The following PDE8A variants were observed in gnomAD, a reference collection of about 807,000 sequenced individuals.
The protein encoded by PDE8A is phosphodiesterase 8A.
PDE8A carries 59 observed loss-of-function variants against 105.0 expected under a neutral mutation model. The ratio of observed to expected loss-of-function variants is 0.56; its 90% confidence interval spans 0.46 to 0.70. The LOEUF (loss-of-function observed/expected upper bound fraction) is 0.70. Ranked by LOEUF, PDE8A falls within the 30% of genes least tolerant of loss-of-function variation. PDE8A has a pLI of 0.00. For missense variants in PDE8A, 1,014 were observed against 1,045.9 expected (o/e 0.97, Z 0.42); for synonymous variants, 355 against 371.9 (o/e 0.95, Z 0.52).
In PDE8A at chr15:84,991,268, T is replaced by C. The variant is rs190418464; in HGVS notation, c.186+8920T>C. Reference sequence around the variant, plus strand: ...GCATAGTACCAATAAAGGATTAGTATTCAGAGAGGTCCTAAAAGTCAATAA... The same window carrying C: ...GCATAGTACCAATAAAGGATTAGTACTCAGAGAGGTCCTAAAAGTCAATAA... On this transcript the variant is annotated intron_variant, in intron 1 of 21. Coordinates refer to ENST00000394553, the MANE Select transcript of PDE8A (RefSeq NM_002605.3). 6.6e-5 allele frequency among the ~76,000 whole-genome samples: 10 copies of C among 152,278 alleles called. 1 individual carries two copies. The East Asian group carries it at 1.9e-3, about 29-fold the overall frequency.
At position 84,999,121 on chromosome 15, in the gene PDE8A, CT is replaced by C. The variant is rs35710429; in HGVS notation, c.186+16790del. Among the ~76,000 whole-genome samples, 109 of 131,472 alleles carry C rather than the reference CT, an allele frequency of 8.3e-4. 1 individual carries two copies. Among genetic ancestry groups the C allele is most frequent in the Admixed American group, 1.1e-3 (14 of 12,568 alleles). The allele number at this position is 131,472 out of a possible 152,430, so 86.3% of individuals were successfully genotyped here. A position where few individuals can be genotyped will look rare whatever the true frequency, so the allele number is the denominator to read the frequency against. On this transcript the variant is annotated intron_variant, in intron 1 of 21. Transcript: ENST00000394553. ...GTAAATTTTCCTGATAGGTCACATT[CT>C]TTTTTTTTTTTTTTTTGAGACGGAA... is the stretch of plus-strand genomic sequence containing the variant.
chr15:85,095,771 T>C (rs1408418473), intron 8 of PDE8A, among the ~76,000 whole-genome samples: 1 of 152,038 alleles, frequency 6.6e-6, no homozygotes, highest in Non-Finnish European at 1.5e-5. Flanking sequence ...TTAGATGGAC[T>C]GTGGAACTTT....
intron 1 of PDE8A, among the ~76,000 whole-genome samples, chr15:85,052,748 A>G (rs1344582417): frequency 9.9e-5 from 15 of 152,080 alleles, no homozygotes; most frequent in African/African-American, 3.6e-4. Context: ...GGTAGATTGT[A>G]AAAATTTTCT....
intron 2 of PDE8A, among the ~76,000 whole-genome samples, chr15:85,066,661 A>C (rs931993622): frequency 1.3e-5 from 2 of 149,432 alleles, no homozygotes; most frequent in Non-Finnish European, 3.0e-5. Context: ...GATTCTGACC[A>C]GGCGCGGTGG....
At chr15:85,006,782 G>C (rs781401452) in intron 1 of PDE8A, among the ~76,000 whole-genome samples, 2 of 152,018 alleles carry the variant, frequency 1.3e-5, no homozygotes, top group Non-Finnish European at 2.9e-5. Context: ...GAGGGAATTA[G>C]GCTACTGTAT....
Position 85,117,043 on chromosome 15 carries a change from A to G in PDE8A, c.1536-598A>G, listed in dbSNP as rs371414369. On this transcript the variant is annotated intron_variant, in intron 16 of 21. Coordinates refer to ENST00000394553, the MANE Select transcript of PDE8A (RefSeq NM_002605.3). ...TTCTTGGCCTTCACAGGCAAGGGCC[A>G]GATGCTGGGTCAAGGTGATTTCTCA... Among the ~76,000 whole-genome samples the G allele has an allele frequency of 1.1e-4, 16 of 152,336 alleles. No individual in the cohort carries two copies. In the South Asian group the frequency reaches 3.1e-3, roughly 30 times the overall value.
At chr15:85,118,302 C>A (rs898032174) in intron 17 of PDE8A, among the ~76,000 whole-genome samples, 5 of 152,100 alleles carry the variant, frequency 3.3e-5, no homozygotes, top group Non-Finnish European at 5.9e-5. Context: ...AACCGGATAC[C>A]CAGATTAGAA....
At chr15:85,128,129 C>G (rs1242433710) in intron 20 of PDE8A, among the ~76,000 whole-genome samples, 1 of 150,820 alleles carries the variant, frequency 6.6e-6, no homozygotes, top group Non-Finnish European at 1.5e-5. Context: ...CATACAACAG[C>G]TAAAACCATA....
chr15:85,024,845 C>T (rs751892504), intron 1 of PDE8A, among the ~76,000 whole-genome samples: 20 of 152,100 alleles, frequency 1.3e-4, no homozygotes, highest in Admixed American at 3.3e-4. Context: ...ATGGGGCTGC[C>T]GCTGCTGTTG....
chr15:85,076,808 T>C, intron 5 of PDE8A, 21 bp downstream of exon 5: 1 of 1,359,984 alleles, frequency 7.4e-7, no homozygotes, highest in Non-Finnish European at 1.1e-6. Context: ...ACTTATTTGT[T>C]ATACAAGTAT....
chr15:85,004,217 G>T (rs772230500), intron 1 of PDE8A, among the ~76,000 whole-genome samples: 1 of 152,074 alleles, frequency 6.6e-6, no homozygotes, highest in Non-Finnish European at 1.5e-5. Context: ...GTGTAGTTTG[G>T]GTGGGATTGA....
intron 1 of PDE8A, among the ~76,000 whole-genome samples, chr15:85,023,602 C>CA: frequency 6.7e-6 from 1 of 148,164 alleles, no homozygotes; most frequent in South Asian, 2.1e-4. Flanking sequence ...GAATTAGGTT[C>CA]AAGATTGCTA....
intron 1 of PDE8A, among the ~76,000 whole-genome samples, chr15:85,053,474 G>A (rs2081008596): frequency 6.6e-6 from 1 of 152,190 alleles, no homozygotes; most frequent in South Asian, 2.1e-4. Context: ...TCTTCCATTT[G>A]TTTGTGTCCT....
chr15:85,045,951 C>T (rs945187217), intron 1 of PDE8A, among the ~76,000 whole-genome samples: 1 of 151,854 alleles, frequency 6.6e-6, no homozygotes, highest in Non-Finnish European at 1.5e-5. Flanking sequence ...GTAAATTGAC[C>T]CCAGGATAAC....
At chr15:85,044,310 A>G (rs1019330280) in intron 1 of PDE8A, among the ~76,000 whole-genome samples, 2 of 152,162 alleles carry the variant, frequency 1.3e-5, no homozygotes, top group Non-Finnish European at 1.5e-5. Context: ...GTTCACAGTA[A>G]ATATTTACTG....
intron 1 of PDE8A, among the ~76,000 whole-genome samples, chr15:85,010,035 C>T (rs2080215349): frequency 6.6e-6 from 1 of 152,106 alleles, no homozygotes. Flanking sequence ...AGATTACATG[C>T]TATATGATTT....
intron 17 of PDE8A, 97 bp downstream of exon 17, chr15:85,117,936 G>C: frequency 1.0e-6 from 1 of 993,090 alleles, no homozygotes; most frequent in Admixed American, 1.7e-5. Context: ...GACTGCTCAC[G>C]TGTGCAGCCT....
At chr15:85,121,683 G>A (rs986961188) in intron 18 of PDE8A, among the ~76,000 whole-genome samples, 2 of 151,980 alleles carry the variant, frequency 1.3e-5, no homozygotes, top group Admixed American at 6.6e-5. Flanking sequence ...AGTGGTTTTA[G>A]TATATTCATA....
chr15:85,136,251 G>T (rs2082407484), intron 20 of PDE8A, among the ~76,000 whole-genome samples: 1 of 152,210 alleles, frequency 6.6e-6, no homozygotes, highest in Non-Finnish European at 1.5e-5. Context: ...TACACATAAT[G>T]TTTGGGATCT....
Sources: allele counts gnomAD v4.1 joint callset (sites outside exome capture counted in the v4.1 genomes callset), GRCh38; gene constraint gnomAD v4.1.1; transcripts MANE v1.5; gene names NCBI Gene and HGNC (gene_info 2026-07-23, HGNC 2026-07-21).